Variants in SCMH1 observed in about 807,000 individuals in gnomAD.
SCMH1 encodes the protein polycomb protein SCMH1.
A neutral mutation model predicts 70.8 loss-of-function variants in SCMH1; 37 were observed. The ratio of observed to expected loss-of-function variants is 0.52; its 90% CI spans 0.40 to 0.69. The LOEUF is 0.69. Ranked by LOEUF, SCMH1 falls within the 30% of genes least tolerant of loss-of-function variation. SCMH1 has a pLI of 0.00. For missense variants in SCMH1, 607 were observed against 827.3 expected, an observed-to-expected ratio of 0.73 and a Z score of 3.27; for synonymous variants, 292 against 307.4, an observed-to-expected ratio of 0.95 and a Z score of 0.52.
chr1:41,082,538 CCTGTCCT>C (rs2148955613), intron 8 of SCMH1, among the ~76,000 whole-genome samples: 1 of 152,260 alleles, frequency 6.6e-6, no homozygotes, highest in East Asian at 1.9e-4. Flanking sequence ...CACCACCAGG[CCTGTCCT>C]AAAAGAGCTC....
chr1:41,200,715 T>A (rs899512882), intron 1 of SCMH1, among the ~76,000 whole-genome samples: 4 of 152,036 alleles, frequency 2.6e-5, no homozygotes, highest in African/African-American at 9.7e-5. Context: ...AAAATAAAAC[T>A]TTAATCTATA....
chr1:41,075,153 G>A (rs768950159), intron 9 of SCMH1, 66 bp downstream of exon 9: 340 of 1,511,874 alleles, frequency 2.2e-4, no homozygotes, highest in Non-Finnish European at 2.9e-4. Context: ...CGTGAGCCAC[G>A]GCGCCTGGCC....
chr1:41,070,542 G>A (rs1486022071), intron 10 of SCMH1, 53 bp downstream of exon 10: 3 of 1,601,180 alleles, frequency 1.9e-6, no homozygotes, highest in African/African-American at 1.3e-5. Flanking sequence ...AAAAGAAAGT[G>A]CAAACACTAG....
intron 8 of SCMH1, among the ~76,000 whole-genome samples, chr1:41,103,341 C>CAT (rs1466080640): frequency 2.0e-5 from 3 of 151,930 alleles, no homozygotes; most frequent in Non-Finnish European, 1.5e-5. Flanking sequence ...GGAGTTTCAC[C>CAT]ATGTTGGCCA....
At chr1:41,222,163 G>C (rs1010103139) in intron 1 of SCMH1, among the ~76,000 whole-genome samples, 1 of 151,472 alleles carries the variant, frequency 6.6e-6, no homozygotes, top group Admixed American at 6.6e-5. Context: ...GGAAGGGAAG[G>C]AAGGGAAAGA....
chr1:41,213,281 T>C lies in SCMH1; in HGVS notation c.-117-27031A>G, dbSNP rs563353425. ...GGAAGACACATAGATATGTGATATT[T>C]ACAAGTATTGGTAAAATTTAGCTTG... is the stretch of plus-strand genomic sequence containing the variant. On this transcript the variant is annotated intron_variant, in intron 1 of 14. Coordinates refer to ENST00000337495, the Ensembl canonical transcript of SCMH1. Among the ~76,000 whole-genome samples the C allele has an allele frequency of 2.0e-5, 3 of 152,368 alleles. No individual in the cohort carries two copies. The East Asian group carries it at 5.8e-4, about 29-fold the overall frequency.
At chr1:41,151,742 G>C (rs1645094155) in intron 4 of SCMH1, 58 bp from the exon 5 acceptor site, 2 of 1,246,066 alleles carry the variant, frequency 1.6e-6, no homozygotes, top group Middle Eastern at 2.5e-4. Flanking sequence ...ATGTTTTCAG[G>C]GTATAATCTA....
At chr1:41,149,433 C>T (rs765135880) in intron 5 of SCMH1, among the ~76,000 whole-genome samples, 41 of 152,062 alleles carry the variant, frequency 2.7e-4, no homozygotes, top group Non-Finnish European at 7.4e-5. Flanking sequence ...ATGTGTTTGT[C>T]TGCTATTCTA....
At chr1:41,075,721 C>A (rs1045718179) in intron 8 of SCMH1, among the ~76,000 whole-genome samples, 7 of 152,086 alleles carry the variant, frequency 4.6e-5, no homozygotes, top group Non-Finnish European at 1.0e-4. Context: ...TGACCTAAGT[C>A]AAAGGTGAAG....
intron 12 of SCMH1, among the ~76,000 whole-genome samples, chr1:41,038,462 G>A (rs535891501): frequency 6.6e-6 from 1 of 152,160 alleles, no homozygotes; most frequent in Non-Finnish European, 1.5e-5. Context: ...AAGACATCAA[G>A]TGTTTAGGTA....
At chr1:41,115,883 T>C (rs1019084944) in intron 7 of SCMH1, among the ~76,000 whole-genome samples, 2 of 152,240 alleles carry the variant, frequency 1.3e-5, no homozygotes, top group African/African-American at 4.8e-5. Flanking sequence ...ATGTTTAGTG[T>C]CTCTTATACA....
chr1:41,158,107 A>G (rs1645708436), intron 4 of SCMH1, among the ~76,000 whole-genome samples: 1 of 152,250 alleles, frequency 6.6e-6, no homozygotes. Flanking sequence ...AAACAGACCC[A>G]AAACCACATC....
In SCMH1 at chr1:41,190,474, C is replaced by T. The variant is rs538749251; in HGVS notation, c.-117-4224G>A. On this transcript the variant is annotated intron_variant, in intron 1 of 14. Coordinates refer to ENST00000337495, the Ensembl canonical transcript of SCMH1. Reference sequence around the variant, plus strand: ...GGATAAGCTCTCTGGGAAGGAGAGGCATGAATTTGCCATCACTAAGGATGT... The same window carrying T: ...GGATAAGCTCTCTGGGAAGGAGAGGTATGAATTTGCCATCACTAAGGATGT... Among the ~76,000 whole-genome samples the T allele has an allele frequency of 8.5e-5, 13 of 152,244 alleles. No homozygotes were observed. In the South Asian group the frequency reaches 2.1e-3, roughly 24 times the overall value.
At chr1:41,070,531 CAAAA>C (rs1656111043) in intron 10 of SCMH1, 60 bp downstream of exon 10, 1 of 1,593,736 alleles carries the variant, frequency 6.3e-7, no homozygotes, top group Non-Finnish European at 8.6e-7. Flanking sequence ...TGGTGTAAGA[CAAAA>C]GAAAGTGCAA....
At chr1:41,099,218 A>C (rs1188475817) in intron 8 of SCMH1, 1 of 158,724 alleles carries the variant, frequency 6.3e-6, no homozygotes, top group East Asian at 1.8e-4. Context: ...AATAAAATCA[A>C]ATCAGCAACA....
intron 6 of SCMH1, among the ~76,000 whole-genome samples, chr1:41,133,592 T>C (rs537142356): frequency 6.6e-6 from 1 of 152,176 alleles, no homozygotes; most frequent in South Asian, 2.1e-4. Context: ...CAATAAAAAA[T>C]GATAAAGTGG....
intron 11 of SCMH1, 37 bp downstream of exon 11, chr1:41,048,653 T>C (rs1401555261): frequency 6.3e-7 from 1 of 1,594,288 alleles, no homozygotes; most frequent in Non-Finnish European, 8.6e-7. Context: ...GGTGGGTCCT[T>C]CTGGCTGGGA....
At chr1:41,035,646 C>T (rs1645192609) in intron 13 of SCMH1, among the ~76,000 whole-genome samples, 1 of 152,194 alleles carries the variant, frequency 6.6e-6, no homozygotes, top group African/African-American at 2.4e-5. Context: ...TGCCCTTGAT[C>T]CCACCACTCC....
At chr1:41,051,389 T>C (rs1231499798) in intron 10 of SCMH1, among the ~76,000 whole-genome samples, 3 of 152,244 alleles carry the variant, frequency 2.0e-5, no homozygotes, top group East Asian at 1.9e-4. Context: ...CTTATCATTA[T>C]TGTAGAGTGT....
Sources: allele counts gnomAD v4.1 joint callset (sites outside exome capture counted in the v4.1 genomes callset), GRCh38; gene constraint gnomAD v4.1.1; transcripts MANE v1.5; gene names NCBI Gene and HGNC (gene_info 2026-07-23, HGNC 2026-07-21).